Variants in PRKG1 observed in about 807,000 individuals in gnomAD.
PRKG1 encodes the protein cGMP-dependent protein kinase 1.
Under a neutral mutation model 88.1 loss-of-function variants are expected in PRKG1, and 35 were observed. The ratio of observed to expected loss-of-function variants is 0.40; its 90% CI spans 0.30 to 0.53. The LOEUF (loss-of-function observed/expected upper bound fraction) is 0.53. Ranked by LOEUF, PRKG1 falls within the 20% of genes least tolerant of loss-of-function variation. PRKG1 has a pLI of 0.59. For missense variants in PRKG1, 540 were observed against 839.8 expected, an observed-to-expected ratio of 0.64 and a Z score of 4.41; for synonymous variants, 303 against 292.5, an observed-to-expected ratio of 1.04 and a Z score of -0.37.
chr10:51,842,687 A>G (rs970568392), intron 4 of PRKG1, among the ~76,000 whole-genome samples: 8 of 152,204 alleles, frequency 5.3e-5, no homozygotes, highest in Non-Finnish European at 1.5e-5. Flanking sequence ...TGTGCATACT[A>G]TATGTGTATA....
chr10:51,282,378 G>A (rs1055422228), intron 2 of PRKG1, among the ~76,000 whole-genome samples: 1 of 152,040 alleles, frequency 6.6e-6, no homozygotes, highest in Non-Finnish European at 1.5e-5. Context: ...TAGAGAGAGA[G>A]ATGTAGAGTC....
At chr10:51,904,878 A>G (rs1842052314) in intron 4 of PRKG1, among the ~76,000 whole-genome samples, 1 of 152,148 alleles carries the variant, frequency 6.6e-6, no homozygotes, top group Admixed American at 6.6e-5. Flanking sequence ...CTTCTCTTGG[A>G]TAAGAACTCT....
At chr10:51,165,354 A>G (rs1334980419) in intron 2 of PRKG1, among the ~76,000 whole-genome samples, 1 of 151,758 alleles carries the variant, frequency 6.6e-6, no homozygotes, top group Non-Finnish European at 1.5e-5. Context: ...ATGCTGAGAG[A>G]TTTTGTCACC....
intron 3 of PRKG1, among the ~76,000 whole-genome samples, chr10:51,656,609 C>T (rs553017018): frequency 2.0e-5 from 3 of 152,062 alleles, no homozygotes; most frequent in African/African-American, 7.2e-5. Flanking sequence ...CTATAATGGC[C>T]TCCTAACTCA....
intron 3 of PRKG1, among the ~76,000 whole-genome samples, chr10:51,781,100 A>G (rs1362743218): frequency 6.6e-6 from 1 of 152,154 alleles, no homozygotes; most frequent in Non-Finnish European, 1.5e-5. Context: ...ACTGTGTTCT[A>G]TCTAGAGAAT....
rs1351869449 is a variant in PRKG1 at position 52,296,687 on chromosome 10, G to A, written c.*2787G>A. On this transcript the variant is annotated 3_prime_UTR_variant, in exon 18 of 18. Coordinates refer to ENST00000373980, the MANE Select transcript of PRKG1 (RefSeq NM_006258.4). The stretch of plus-strand genomic sequence containing the variant: ...TGAGTATGGGAAATAAGGGCTTTCT[G>A]TGTGTCTTGACTCACAGGAAAACTG... 1 of 152,030 alleles carries A rather than the reference G, an allele frequency of 6.6e-6. No homozygotes were observed. The highest frequency in any genetic ancestry group is 1.5e-5 in the Non-Finnish European group (1 of 67,950). 9.4% of individuals were successfully genotyped at this position (152,030 alleles called of 1,614,324 possible).
intron 1 of PRKG1, among the ~76,000 whole-genome samples, chr10:51,093,649 G>T (rs1340682253): frequency 6.8e-6 from 1 of 147,256 alleles, no homozygotes; most frequent in African/African-American, 2.5e-5. Flanking sequence ...CATTTTGTGA[G>T]GGTGTACATT....
chr10:51,602,814 G>A (rs114336124), intron 3 of PRKG1, among the ~76,000 whole-genome samples: 11,422 of 149,558 alleles, frequency 0.076, 1,552 homozygotes, highest in African/African-American at 0.27. Flanking sequence ...TTTCCAACTG[G>A]TGACATGGGT....
chr10:51,304,446 G>A (rs1425457697), intron 2 of PRKG1, among the ~76,000 whole-genome samples: 1 of 151,948 alleles, frequency 6.6e-6, no homozygotes, highest in East Asian at 1.9e-4. Flanking sequence ...TGGACTTTCT[G>A]ATAAGACCCA....
intron 3 of PRKG1, among the ~76,000 whole-genome samples, chr10:51,581,601 T>G (rs910205743): frequency 3.9e-5 from 6 of 152,138 alleles, no homozygotes; most frequent in African/African-American, 1.4e-4. Context: ...ACATGTCCAT[T>G]CATAGGCTCT....
rs531411023 is a variant in PRKG1 at position 51,392,897 on chromosome 10, C to G, written c.479-74826C>G. Among the ~76,000 whole-genome samples, 191 of 113,534 alleles carry G rather than the reference C, an allele frequency of 1.7e-3. 3 individuals are homozygous for G. The highest frequency in any genetic ancestry group is 6.2e-3 in the African/African-American group (188 of 30,458). The allele number at this position is 113,534 out of a possible 152,430, so 74.5% of individuals were successfully genotyped here. The stretch of plus-strand genomic sequence containing the variant: ...CTCCCTCCCAGACGGGGCGGCTGGC[C>G]GGGTGGGGGGCTGACCACCCCCACC... On this transcript the variant is annotated intron_variant, in intron 2 of 17. Coordinates refer to ENST00000373980, the MANE Select transcript of PRKG1 (RefSeq NM_006258.4).
At chr10:51,911,836 G>A (rs780852408) in intron 5 of PRKG1, among the ~76,000 whole-genome samples, 4 of 152,184 alleles carry the variant, frequency 2.6e-5, no homozygotes, top group Non-Finnish European at 4.4e-5. Context: ...ACAAGAAGAT[G>A]AAAGAACCCC....
At chr10:51,561,062 C>T (rs1837445428) in intron 3 of PRKG1, among the ~76,000 whole-genome samples, 1 of 150,816 alleles carries the variant, frequency 6.6e-6, no homozygotes, top group South Asian at 2.1e-4. Context: ...GCTTGGGTAA[C>T]ATAGTGAGAC....
chr10:51,752,854 GTA>G (rs1017910774), intron 3 of PRKG1, among the ~76,000 whole-genome samples: 2 of 152,014 alleles, frequency 1.3e-5, no homozygotes, highest in Non-Finnish European at 2.9e-5. Flanking sequence ...ATTCATATAT[GTA>G]TATATATAAT....
At chr10:51,889,902 GTTAT>G (rs1364949091) in intron 4 of PRKG1, among the ~76,000 whole-genome samples, 5 of 152,102 alleles carry the variant, frequency 3.3e-5, no homozygotes, top group African/African-American at 7.2e-5. Context: ...TTTTGATGGG[GTTAT>G]TTGTTTTTTT....
intron 3 of PRKG1, among the ~76,000 whole-genome samples, chr10:51,679,191 A>G (rs1336574394): frequency 2.6e-5 from 4 of 152,188 alleles, no homozygotes; most frequent in African/African-American, 9.7e-5. Context: ...TTGCTAAGTC[A>G]GAAACATTAT....
At chr10:51,142,280 T>C (rs752818641) in intron 1 of PRKG1, among the ~76,000 whole-genome samples, 2 of 152,132 alleles carry the variant, frequency 1.3e-5, no homozygotes, top group Non-Finnish European at 1.5e-5. Flanking sequence ...ACTTCTGTAA[T>C]GTAGAGAATG....
At chr10:51,581,010 G>T (rs115471290) in intron 3 of PRKG1, among the ~76,000 whole-genome samples, 62 of 152,208 alleles carry the variant, frequency 4.1e-4, no homozygotes, top group Non-Finnish European at 6.3e-4. Context: ...GGGTCCAGGG[G>T]GGGGTCACTG....
chr10:51,130,851 G>A (rs1301778926), intron 1 of PRKG1, among the ~76,000 whole-genome samples: 2 of 151,988 alleles, frequency 1.3e-5, no homozygotes, highest in East Asian at 1.9e-4. Context: ...GCAGTGAGCC[G>A]AGATCTGAGA....
Sources: gnomAD v4.1 joint callset for allele counts (sites outside exome capture counted in the v4.1 genomes callset) on GRCh38, gnomAD v4.1.1 for gene constraint, MANE v1.5 for transcripts, NCBI Gene and HGNC (gene_info 2026-07-23, HGNC 2026-07-21) for gene names.